CYTH3: variants seen among roughly 807,000 people sequenced by gnomAD.
The protein encoded by CYTH3 is cytohesin 3.
Under a neutral mutation model 55.1 loss-of-function variants are expected in CYTH3, and 23 were observed. The ratio of observed to expected loss-of-function variants is 0.42; its 90% CI spans 0.30 to 0.59. CYTH3 has a LOEUF of 0.59. CYTH3 is among the 20% of genes least tolerant of loss of function. The pLI, the probability that CYTH3 is intolerant of heterozygous loss-of-function variation, is 0.20. For synonymous variants in CYTH3, 249 were observed against 194.9 expected (o/e 1.28, Z -2.31); for missense variants, 413 against 524.8 (o/e 0.79, Z 2.08).
intron 2 of CYTH3, among the ~76,000 whole-genome samples, chr7:6,189,349 C>A (rs576911286): frequency 6.6e-6 from 1 of 152,026 alleles, no homozygotes; most frequent in Non-Finnish European, 1.5e-5. Context: ...TGCTCTGTTG[C>A]CCAGTCCGCA....
At chr7:6,188,002 C>G (rs34629688) in intron 2 of CYTH3, among the ~76,000 whole-genome samples, 10,581 of 151,944 alleles carry the variant, frequency 0.07, 1,208 homozygotes, top group African/African-American at 0.24. Flanking sequence ...ATCAGGCAAG[C>G]ACACTGGGGG....
At chr7:6,211,627 T>G (rs1037961766) in intron 1 of CYTH3, among the ~76,000 whole-genome samples, 5 of 152,182 alleles carry the variant, frequency 3.3e-5, no homozygotes, top group African/African-American at 7.2e-5. Flanking sequence ...CCACGGTGCC[T>G]GGCCTAAATA....
rs1362496861 is a variant in CYTH3, at chr7:6,167,045, C to G, written c.824-1235G>C. On this transcript the variant is annotated intron_variant, in intron 9 of 12. Coordinates refer to ENST00000350796, the MANE Select transcript of CYTH3 (RefSeq NM_004227.4). The surrounding 1 kb of genome is among the most constrained non-coding windows in gnomAD (Gnocchi z 5.5). ...CTGAGCCCTGGCGGGGCTTCCACTC[C>G]CCGAACCCCTGCAAGCTGCTCCGTC... Among the ~76,000 whole-genome samples the G allele has an allele frequency of 6.6e-6, 1 of 152,186 alleles. No individual in the cohort carries two copies. The highest frequency in any genetic ancestry group is 1.5e-5 in the Non-Finnish European group (1 of 68,028).
At chr7:6,221,844 G>T (rs1286769489) in intron 1 of CYTH3, among the ~76,000 whole-genome samples, 1 of 152,114 alleles carries the variant, frequency 6.6e-6, no homozygotes, top group Non-Finnish European at 1.5e-5. Flanking sequence ...CCCAGCTACT[G>T]GGAAGGCTGA....
intron 1 of CYTH3, 64 bp downstream of exon 1, chr7:6,272,410 G>GT: frequency 8.2e-7 from 1 of 1,216,616 alleles, no homozygotes; most frequent in Non-Finnish European, 1.1e-6. Flanking sequence ...CCGCGCCCTC[G>GT]ACCCCCAGCC....
At chr7:6,198,794 G>A (rs1304741252) in intron 1 of CYTH3, among the ~76,000 whole-genome samples, 1 of 151,710 alleles carries the variant, frequency 6.6e-6, no homozygotes, top group African/African-American at 2.4e-5. Context: ...AAAAAGGGCA[G>A]GTTAACTGGA....
rs371435369 is a variant in CYTH3 at position 6,165,252 on chromosome 7, C to T, written c.1127+21G>A. 8.6e-5 allele frequency: 137 copies of T among 1,598,878 alleles called. No individual in the cohort carries two copies. In the Middle Eastern group the frequency reaches 1.1e-3, roughly 12 times the overall value. On this transcript the variant is annotated intron_variant, in intron 12 of 12. Coordinates refer to ENST00000350796, the MANE Select transcript of CYTH3 (RefSeq NM_004227.4). The stretch of plus-strand genomic sequence containing the variant: ...CGGCACGAGAAGACGGGCCTGGCCC[C>T]GCCCCCGAGGCCCCACTCACTTGAT...
At chr7:6,241,660 G>C (rs549195536) in intron 1 of CYTH3, among the ~76,000 whole-genome samples, 2 of 152,124 alleles carry the variant, frequency 1.3e-5, no homozygotes, top group Non-Finnish European at 2.9e-5. Flanking sequence ...CCATCAATAA[G>C]GTACTGGATA....
At chr7:6,208,529 T>C (rs1403155349) in intron 1 of CYTH3, among the ~76,000 whole-genome samples, 6 of 148,972 alleles carry the variant, frequency 4.0e-5, no homozygotes, top group Non-Finnish European at 8.8e-5. Flanking sequence ...CAATCATTCA[T>C]TCTAGCTCAT....
intron 6 of CYTH3, among the ~76,000 whole-genome samples, chr7:6,173,406 G>A (rs1783253467): frequency 6.6e-6 from 1 of 152,178 alleles, no homozygotes; most frequent in Admixed American, 6.5e-5. Flanking sequence ...AAAGGAAACG[G>A]AATGGAAGGA....
At chr7:6,188,685 C>T (rs1434049107) in intron 2 of CYTH3, 1 of 152,198 alleles carries the variant, frequency 6.6e-6, no homozygotes, top group African/African-American at 2.4e-5. Context: ...CTTGATGTGA[C>T]CCCTACTAAT....
rs138499591 is a variant in CYTH3 at position 6,268,359 on chromosome 7, G to A, written c.34+4115C>T. On this transcript the variant is annotated intron_variant, in intron 1 of 12. Transcript: ENST00000350796. Reference sequence around the variant, plus strand: ...ATTTTTGTATTTTTTTAGTAGAAACGGAGTTTCACCATGCTGCCCAGGCTG... The same window carrying A: ...ATTTTTGTATTTTTTTAGTAGAAACAGAGTTTCACCATGCTGCCCAGGCTG... Among the ~76,000 whole-genome samples the A allele has an allele frequency of 4.2e-3, 645 of 152,210 alleles. 8 individuals are homozygous for A. Among genetic ancestry groups the A allele is most frequent in the African/African-American group, 0.014 (595 of 41,522 alleles).
chr7:6,272,147 C>T (rs896036053), intron 1 of CYTH3, among the ~76,000 whole-genome samples: 1 of 152,180 alleles, frequency 6.6e-6, no homozygotes, highest in Non-Finnish European at 1.5e-5. Context: ...CGGGGAAGGT[C>T]GCCCCGCAAG....
intron 1 of CYTH3, among the ~76,000 whole-genome samples, chr7:6,197,700 G>C (rs74658014): frequency 0.031 from 4,726 of 152,118 alleles, 87 homozygotes; most frequent in Non-Finnish European, 0.047. Context: ...GGAAAAAAAA[G>C]AATTGAGCAA....
chr7:6,234,189 G>C (rs903396875), intron 1 of CYTH3, among the ~76,000 whole-genome samples: 1 of 152,228 alleles, frequency 6.6e-6, no homozygotes, highest in Non-Finnish European at 1.5e-5. Context: ...CAGGAGTCTT[G>C]TGAGGGGGAC....
chr7:6,197,535 T>C (rs1783962962), intron 1 of CYTH3, among the ~76,000 whole-genome samples: 1 of 151,940 alleles, frequency 6.6e-6, no homozygotes, highest in African/African-American at 2.4e-5. Flanking sequence ...ATACAAAAAT[T>C]AGCCAGATGT....
At chr7:6,180,296 C>T (rs1783473349) in intron 4 of CYTH3, among the ~76,000 whole-genome samples, 2 of 152,228 alleles carry the variant, frequency 1.3e-5, no homozygotes, top group Non-Finnish European at 2.9e-5. Flanking sequence ...CCCTAAAATT[C>T]AGAACACACA....
chr7:6,166,943 C>A (rs1783027032), intron 9 of CYTH3, among the ~76,000 whole-genome samples: 1 of 152,184 alleles, frequency 6.6e-6, no homozygotes, highest in East Asian at 1.9e-4. Context: ...TCTGTCTAGA[C>A]CCTGGTCTGG....
chr7:6,239,770 C>G (rs1168521521), intron 1 of CYTH3, among the ~76,000 whole-genome samples: 1 of 151,954 alleles, frequency 6.6e-6, no homozygotes, highest in Non-Finnish European at 1.5e-5. Flanking sequence ...TTTATGATAG[C>G]AATAAAATAC....
Sources: allele counts gnomAD v4.1 joint callset (sites outside exome capture counted in the v4.1 genomes callset), GRCh38; gene constraint gnomAD v4.1.1; non-coding constraint Gnocchi (gnomAD v3.1); transcripts MANE v1.5; gene names NCBI Gene and HGNC (gene_info 2026-07-23, HGNC 2026-07-21).